CSGALNACT1: variants seen among roughly 807,000 people sequenced by gnomAD.
CSGALNACT1 encodes beta4GalNAcT-1.
CSGALNACT1 carries 52 observed loss-of-function variants against 51.0 expected under a neutral mutation model. The observed-to-expected ratio is 1.02, with a 90% confidence interval of 0.82 to 1.29. CSGALNACT1 has a LOEUF of 1.29. CSGALNACT1 is among the 50% of genes most tolerant of loss of function. The probability of loss-of-function intolerance (pLI) is 0.00; values close to 1 mark genes in which losing one functional copy is unlikely to be tolerated. For missense variants in CSGALNACT1, 935 were observed against 679.2 expected (o/e 1.38, Z -4.19); for synonymous variants, 341 against 254.4 (o/e 1.34, Z -3.24).
chr8:19,671,913 C>G (rs2059822376), intron 1 of CSGALNACT1, among the ~76,000 whole-genome samples: 1 of 152,184 alleles, frequency 6.6e-6, no homozygotes, highest in Non-Finnish European at 1.5e-5. Context: ...GCAGAGAATT[C>G]CATCTCATGA....
chr8:19,489,646 C>T (rs1310966795), intron 4 of CSGALNACT1, among the ~76,000 whole-genome samples: 1 of 152,126 alleles, frequency 6.6e-6, no homozygotes, highest in African/African-American at 2.4e-5. Context: ...ATGAATTAAT[C>T]GACAATCACA....
At chr8:19,628,529 C>G (rs1435428172) in intron 1 of CSGALNACT1, among the ~76,000 whole-genome samples, 1 of 152,208 alleles carries the variant, frequency 6.6e-6, no homozygotes, top group African/African-American at 2.4e-5. Flanking sequence ...CTGCATTTTA[C>G]AGATCGGGAA....
At chr8:19,564,246 T>G (rs1478120017) in intron 3 of CSGALNACT1, among the ~76,000 whole-genome samples, 1 of 152,214 alleles carries the variant, frequency 6.6e-6, no homozygotes, top group Non-Finnish European at 1.5e-5. Flanking sequence ...CGTTTTCTAC[T>G]TTTTCAATAT....
intron 3 of CSGALNACT1, among the ~76,000 whole-genome samples, chr8:19,563,092 C>T (rs1158139670): frequency 2.6e-5 from 4 of 152,146 alleles, no homozygotes; most frequent in Non-Finnish European, 5.9e-5. Context: ...GAATACTATG[C>T]AGCCATAAAA....
chr8:19,426,421 G>C (rs2058785944), intron 6 of CSGALNACT1, among the ~76,000 whole-genome samples: 2 of 152,162 alleles, frequency 1.3e-5, no homozygotes, highest in South Asian at 4.1e-4. Flanking sequence ...CTGCAATATG[G>C]TTCAAAGTTG....
At chr8:19,511,751 G>A (rs1161900674) in intron 3 of CSGALNACT1, among the ~76,000 whole-genome samples, 2 of 152,052 alleles carry the variant, frequency 1.3e-5, no homozygotes, top group African/African-American at 4.8e-5. Context: ...CCTGAGACTG[G>A]GTAATTTATA....
chr8:19,618,131 A>ACC (rs540780258), intron 1 of CSGALNACT1, among the ~76,000 whole-genome samples: 1 of 150,152 alleles, frequency 6.7e-6, no homozygotes, highest in African/African-American at 2.5e-5. Context: ...CTTCTGCCTC[A>ACC]CCCCCCCGAC....
chr8:19,445,300 T>G (rs2061937950), intron 5 of CSGALNACT1, among the ~76,000 whole-genome samples: 1 of 152,220 alleles, frequency 6.6e-6, no homozygotes, highest in Non-Finnish European at 1.5e-5. Context: ...GCTTGAAATT[T>G]GTGCATGCAG....
At chr8:19,408,619 T>A (rs760815838) in exon 9 of CSGALNACT1, 1 of 1,613,732 alleles carries the variant, frequency 6.2e-7, no homozygotes, top group Admixed American at 1.7e-5. Context: ...CTACCTATAT[T>A]GATGAAGTCT....
At chr8:19,668,134 A>G (rs1217026742) in intron 1 of CSGALNACT1, among the ~76,000 whole-genome samples, 7 of 152,224 alleles carry the variant, frequency 4.6e-5, no homozygotes, top group Admixed American at 1.3e-4. Flanking sequence ...AATGAAAAAT[A>G]GTTTTCATAG....
chr8:19,721,837 T>C (rs2063145799), intron 1 of CSGALNACT1, among the ~76,000 whole-genome samples: 1 of 152,198 alleles, frequency 6.6e-6, no homozygotes, highest in Non-Finnish European at 1.5e-5. Context: ...AAGTCAATAC[T>C]TCTATGGATC....
chr8:19,625,193 G>A (rs2054292640), intron 1 of CSGALNACT1, among the ~76,000 whole-genome samples: 1 of 152,212 alleles, frequency 6.6e-6, no homozygotes, highest in Non-Finnish European at 1.5e-5. Flanking sequence ...CAGGAGGGAC[G>A]TGGGGTGGTC....
intron 4 of CSGALNACT1, among the ~76,000 whole-genome samples, chr8:19,496,763 T>G (rs55637382): frequency 0.16 from 23,864 of 152,108 alleles, 2,149 homozygotes; most frequent in Non-Finnish European, 0.2. Context: ...TAAAAAGAAA[T>G]CAACGACCTA....
At chr8:19,608,905 T>C (rs1347425906) in intron 1 of CSGALNACT1, among the ~76,000 whole-genome samples, 1 of 152,218 alleles carries the variant, frequency 6.6e-6, no homozygotes, top group Non-Finnish European at 1.5e-5. Flanking sequence ...AGAGATACTA[T>C]GATGAAGGTA....
At chr8:19,521,272 T>C (rs1414443902) in intron 3 of CSGALNACT1, among the ~76,000 whole-genome samples, 2 of 151,902 alleles carry the variant, frequency 1.3e-5, no homozygotes, top group Admixed American at 1.3e-4. Context: ...ACACTAGATA[T>C]GAGGCTATTA....
At chr8:19,591,189 G>A (rs569385630) in exon 3 of CSGALNACT1, 1 of 152,414 alleles carries the variant, frequency 6.6e-6, no homozygotes, top group East Asian at 1.9e-4. Context: ...AGCAGCAAGA[G>A]CTGGATTGGT....
At chr8:19,650,448 AATTAGTAC>A (rs2057695656) in intron 1 of CSGALNACT1, among the ~76,000 whole-genome samples, 1 of 152,228 alleles carries the variant, frequency 6.6e-6, no homozygotes, top group African/African-American at 2.4e-5. Flanking sequence ...AACACCTAGT[AATTAGTAC>A]ATTATTTTAT....
intron 3 of CSGALNACT1, among the ~76,000 whole-genome samples, chr8:19,515,480 C>T (rs1308221602): frequency 6.6e-6 from 1 of 152,180 alleles, no homozygotes; most frequent in Non-Finnish European, 1.5e-5. Flanking sequence ...TCCATCCCCT[C>T]AACTCCTCGT....
intron 6 of CSGALNACT1, among the ~76,000 whole-genome samples, chr8:19,438,163 G>A (rs73667659): frequency 0.031 from 4,555 of 145,578 alleles, 217 homozygotes; most frequent in African/African-American, 0.11. Flanking sequence ...GTCACCTGGG[G>A]AGCTGCTTAA....
Sources: gnomAD v4.1 joint callset for allele counts (sites outside exome capture counted in the v4.1 genomes callset) on GRCh38, gnomAD v4.1.1 for gene constraint, MANE v1.5 for transcripts, NCBI Gene and HGNC (gene_info 2026-07-23, HGNC 2026-07-21) for gene names.